CACNA1I: variants seen among roughly 807,000 people sequenced by gnomAD.
The protein encoded by CACNA1I is voltage-dependent T-type calcium channel subunit alpha-1I.
In CACNA1I, 74 loss-of-function variants were observed where a neutral mutation model predicts 201.6. The observed-to-expected ratio is 0.37, with a 90% confidence interval of 0.30 to 0.45. The LOEUF is 0.45. CACNA1I is among the 20% of genes least tolerant of loss of function. CACNA1I has a pLI of 1.00. For missense variants in CACNA1I, 2,346 were observed against 3,138.1 expected, an observed-to-expected ratio of 0.75 and a Z score of 6.03; for synonymous variants, 1,431 against 1,345.2, an observed-to-expected ratio of 1.06 and a Z score of -1.40.
chr22:39,665,735 G>C lies in CACNA1I; in HGVS notation c.3978+111G>C, dbSNP rs1935168755. Reference sequence around the variant, plus strand: ...TCCAACCTCATGCGCCTTGCCAGCTGTGGGCTTCTCCTCCAGGGAGGGAGA... The same window carrying C: ...TCCAACCTCATGCGCCTTGCCAGCTCTGGGCTTCTCCTCCAGGGAGGGAGA... On this transcript the variant is annotated intron_variant, in intron 22 of 36. Coordinates refer to ENST00000402142, the MANE Select transcript of CACNA1I (RefSeq NM_021096.4). The surrounding 1 kb of genome is among the most constrained non-coding windows in gnomAD (Gnocchi z 5.5). 1.9e-6 allele frequency: 3 copies of C among 1,542,192 alleles called. No homozygotes were observed. In the African/African-American group the frequency reaches 4.1e-5, roughly 21 times the overall value.
intron 1 of CACNA1I, among the ~76,000 whole-genome samples, chr22:39,579,193 C>T (rs1256828187): frequency 6.6e-6 from 1 of 152,254 alleles, no homozygotes; most frequent in Non-Finnish European, 1.5e-5. Context: ...CTCCAGTTCA[C>T]AGAGCTCTTC....
chr22:39,577,182 G>A (rs1459469777), intron 1 of CACNA1I, among the ~76,000 whole-genome samples: 1 of 152,106 alleles, frequency 6.6e-6, no homozygotes, highest in Non-Finnish European at 1.5e-5. Flanking sequence ...TTACAGAAGC[G>A]CACCACCATG....
intron 1 of CACNA1I, among the ~76,000 whole-genome samples, chr22:39,574,773 G>A (rs1932291426): frequency 6.6e-6 from 1 of 152,234 alleles, no homozygotes; most frequent in African/African-American, 2.4e-5. Context: ...GGGGTGGTGG[G>A]TGCGTAGCAT....
In CACNA1I at chr22:39,684,640, G is replaced by A. The variant is rs1188011690; in HGVS notation, c.6027+142G>A. ...CCACCGTGCAAGGGGGTTTGGGAAC[G>A]CTGGGGTGACGCTGAGACTGGAGGG... On this transcript the variant is annotated intron_variant, in intron 36 of 36. Coordinates refer to ENST00000402142, the MANE Select transcript of CACNA1I (RefSeq NM_021096.4). The surrounding 1 kb of genome is among the most constrained non-coding windows in gnomAD (Gnocchi z 4.6). The A allele has an allele frequency of 3.5e-6, 3 of 868,842 alleles. No individual in the cohort carries two copies. The highest frequency in any genetic ancestry group is 5.3e-5 in the East Asian group (2 of 37,706). 53.8% of individuals were successfully genotyped at this position (868,842 alleles called of 1,614,324 possible).
In CACNA1I at chr22:39,659,679, A is replaced by G; in HGVS notation, c.2449-18A>G. 6.2e-7 allele frequency: 1 copy of G among 1,613,692 alleles called. No individual in the cohort carries two copies. Among genetic ancestry groups the G allele is most frequent in the South Asian group, 1.1e-5 (1 of 91,078 alleles). On this transcript the variant is annotated intron_variant, in intron 13 of 36. Coordinates refer to ENST00000402142, the MANE Select transcript of CACNA1I (RefSeq NM_021096.4). The surrounding 1 kb of genome is among the most constrained non-coding windows in gnomAD (Gnocchi z 4.3). Reference sequence around the variant, plus strand: ...CTGGACTAGGGGTACCCCAGGGCTAACTGTGTCTCCCCAACAGATCCTCAC... The same window carrying G: ...CTGGACTAGGGGTACCCCAGGGCTAGCTGTGTCTCCCCAACAGATCCTCAC...
At chr22:39,611,139 T>C (rs1163766627) in intron 3 of CACNA1I, among the ~76,000 whole-genome samples, 1 of 152,214 alleles carries the variant, frequency 6.6e-6, no homozygotes, top group Non-Finnish European at 1.5e-5. Flanking sequence ...GCGCCCTGGC[T>C]GGTGGAAACC....
chr22:39,572,624 G>A (rs1357940892), intron 1 of CACNA1I, among the ~76,000 whole-genome samples: 1 of 152,114 alleles, frequency 6.6e-6, no homozygotes, highest in Non-Finnish European at 1.5e-5. Context: ...CTCAGGCTTG[G>A]TGAGAGGGTC....
chr22:39,659,976 G>T lies in CACNA1I; in HGVS notation c.2604+124G>T. ...TCTAGCAGGCAACCTATCCCTAAAG[G>T]AGGGGGTTGCTGATGAGGTGGTGAG... On this transcript the variant is annotated intron_variant, in intron 14 of 36. Transcript: ENST00000402142. The surrounding 1 kb of genome is among the most constrained non-coding windows in gnomAD (Gnocchi z 4.3). The T allele has an allele frequency of 2.8e-6, 3 of 1,083,920 alleles. No individual in the cohort carries two copies. The highest frequency in any genetic ancestry group is 4.1e-6 in the Non-Finnish European group (3 of 738,898). 67.1% of individuals were successfully genotyped at this position (1,083,920 alleles called of 1,614,324 possible). A position where few individuals can be genotyped will look rare whatever the true frequency, so the allele number is the denominator to read the frequency against.
At chr22:39,661,885 T>A (rs765874504) in intron 16 of CACNA1I, 80 bp from the exon 17 acceptor site, 66 of 911,742 alleles carry the variant, frequency 7.2e-5, no homozygotes, top group Non-Finnish European at 1.0e-4. Context: ...ACAGCGGGGG[T>A]GCAGGCTGCC....
chr22:39,644,267 G>A (rs1482801137), intron 7 of CACNA1I, among the ~76,000 whole-genome samples: 2 of 152,184 alleles, frequency 1.3e-5, no homozygotes, highest in Non-Finnish European at 2.9e-5. Context: ...TCGCTGTGGG[G>A]TTAAGGGTGG....
chr22:39,662,539 TG>T (rs2146451203), intron 17 of CACNA1I, 104 bp downstream of exon 17: 1 of 900,258 alleles, frequency 1.1e-6, no homozygotes, highest in Non-Finnish European at 1.6e-6. Flanking sequence ...ACGGGGGGCG[TG>T]GCCGGGGCGT....
At chr22:39,583,735 C>A (rs1413008024) in intron 1 of CACNA1I, among the ~76,000 whole-genome samples, 4 of 152,256 alleles carry the variant, frequency 2.6e-5, no homozygotes, top group Non-Finnish European at 4.4e-5. Context: ...CCAGAAAAAA[C>A]CCATATTGGG....
intron 1 of CACNA1I, among the ~76,000 whole-genome samples, chr22:39,577,634 A>G (rs1361933422): frequency 1.3e-5 from 2 of 152,234 alleles, no homozygotes; most frequent in Admixed American, 6.5e-5. Context: ...CTTTTTGTAC[A>G]GGAGGAAAAC....
chr22:39,639,508 C>G (rs1934301380), intron 5 of CACNA1I, among the ~76,000 whole-genome samples: 1 of 152,088 alleles, frequency 6.6e-6, no homozygotes, highest in Admixed American at 6.5e-5. Context: ...TGGAAGTTTA[C>G]TGTTTTTAGT....
intron 31 of CACNA1I, among the ~76,000 whole-genome samples, chr22:39,678,765 G>T (rs993895046): frequency 4.6e-5 from 7 of 152,176 alleles, no homozygotes; most frequent in Non-Finnish European, 7.4e-5. Flanking sequence ...CCCTGGTCAC[G>T]AATGCACCCT....
rs376397125 is a variant in CACNA1I at position 39,682,543 on chromosome 22, A to G, written c.5712A>G (p.Glu1904=). Residue 1904 remains glutamate, a synonymous_variant, in exon 35 of 37, where the codon GAA becomes GAG. Coordinates refer to ENST00000402142, the MANE Select transcript of CACNA1I (RefSeq NM_021096.4). ...PEPMRVGDLG[E]CFFPLSSTAV... ...CCATGCGTGTGGGAGACCTGGGCGA[A>G]TGCTTCTTCCCCTTGTCCTCTACGG... The G allele has an allele frequency of 3.1e-6, 5 of 1,613,692 alleles. No homozygotes were observed. The highest frequency in any genetic ancestry group is 1.7e-5 in the Admixed American group (1 of 60,012).
chr22:39,682,398 C>A, intron 34 of CACNA1I, 98 bp from the exon 35 acceptor site: 2 of 968,866 alleles, frequency 2.1e-6, no homozygotes, highest in Non-Finnish European at 3.1e-6. Context: ...ATGAGGGTAG[C>A]CTAGTTAAGC....
At chr22:39,669,468 G>A (rs1218711436) in intron 24 of CACNA1I, among the ~76,000 whole-genome samples, 2 of 152,198 alleles carry the variant, frequency 1.3e-5, no homozygotes, top group Non-Finnish European at 2.9e-5. Flanking sequence ...CTGGATGGGC[G>A]AATAAGTGGC....
At position 39,598,271 on chromosome 22, in the gene CACNA1I, G is replaced by GTCGCC; in HGVS notation, c.348+9_348+10insTCGCC. ...GCTGCAAGATCCTGCAGGTGAGCCG[G>GTCGCC]CCGCCCCGCCCCGCCCCGCCCTGCC... On this transcript the variant is annotated intron_variant, in intron 2 of 36. Transcript: ENST00000402142. 2 of 1,405,352 alleles carry GTCGCC rather than the reference G, an allele frequency of 1.4e-6. No homozygotes were observed. Among genetic ancestry groups the GTCGCC allele is most frequent in the Non-Finnish European group, 1.9e-6 (2 of 1,051,114 alleles). The allele number at this position is 1,405,352 out of a possible 1,614,324, so 87.1% of individuals were successfully genotyped here.
Sources: allele counts gnomAD v4.1 joint callset (sites outside exome capture counted in the v4.1 genomes callset), GRCh38; gene constraint gnomAD v4.1.1; non-coding constraint Gnocchi (gnomAD v3.1); transcripts MANE v1.5; gene names NCBI Gene and HGNC (gene_info 2026-07-23, HGNC 2026-07-21).